Variants in MAST4 observed in about 807,000 individuals in gnomAD.
The protein encoded by MAST4 is microtubule-associated serine/threonine-protein kinase 4.
MAST4 carries 89 observed loss-of-function variants against 162.7 expected under a neutral mutation model. That is an observed-to-expected ratio of 0.55 (90% CI 0.46 to 0.65). The LOEUF is 0.65. MAST4 is among the 30% of genes least tolerant of loss of function. The pLI, the probability that MAST4 is intolerant of heterozygous loss-of-function variation, is 0.00. For missense variants in MAST4, 3,153 were observed against 3,374.0 expected (o/e 0.93, Z 1.62); for synonymous variants, 1,479 against 1,361.1 (o/e 1.09, Z -1.91).
At chr5:66,899,527 A>G (rs760851451) in intron 3 of MAST4, among the ~76,000 whole-genome samples, 3 of 152,198 alleles carry the variant, frequency 2.0e-5, no homozygotes, top group Admixed American at 6.5e-5. Context: ...GTTGAGGGCA[A>G]ATAGTTTGAT....
chr5:66,955,820 A>G (rs1745243909), intron 4 of MAST4, among the ~76,000 whole-genome samples: 1 of 152,188 alleles, frequency 6.6e-6, no homozygotes, highest in Admixed American at 6.5e-5. Flanking sequence ...TACTCAATAT[A>G]TATTTCAGGC....
At chr5:67,113,092 T>A (rs934718528) in intron 11 of MAST4, among the ~76,000 whole-genome samples, 1 of 152,030 alleles carries the variant, frequency 6.6e-6, no homozygotes, top group African/African-American at 2.4e-5. Context: ...GGTGGGTGGA[T>A]CACGAGGTCA....
At chr5:66,906,008 T>C (rs1173561362) in intron 4 of MAST4, among the ~76,000 whole-genome samples, 1 of 152,204 alleles carries the variant, frequency 6.6e-6, no homozygotes, top group Non-Finnish European at 1.5e-5. Context: ...ATGTAGATTT[T>C]TCTCCACAAG....
intron 1 of MAST4, among the ~76,000 whole-genome samples, chr5:66,600,621 A>G (rs9884991): frequency 0.16 from 23,854 of 152,206 alleles, 2,835 homozygotes; most frequent in African/African-American, 0.32. Flanking sequence ...ATTGAAGGGT[A>G]CCTGTGTGTA....
intron 1 of MAST4, among the ~76,000 whole-genome samples, chr5:66,705,210 A>C (rs2149516230): frequency 6.6e-6 from 1 of 152,310 alleles, no homozygotes; most frequent in East Asian, 1.9e-4. Context: ...AATTCACTTG[A>C]GATTATCTAA....
Position 66,733,550 on chromosome 5 carries a change from C to T in MAST4, c.364-26159C>T, listed in dbSNP as rs958501119. ...TCTCGGCTCATTGCAACCTCCGCCT[C>T]GGGTTCAAGCAATTATCCTGCCTCA... On this transcript the variant is annotated intron_variant, in intron 1 of 28. Coordinates refer to ENST00000403625, the MANE Select transcript of MAST4 (RefSeq NM_001164664.2). Among the ~76,000 whole-genome samples, 24 of 152,122 alleles carry T rather than the reference C, an allele frequency of 1.6e-4. No homozygotes were observed. The East Asian group carries it at 1.9e-3, about 12-fold the overall frequency.
chr5:66,838,721 T>A (rs1013480052), intron 3 of MAST4, among the ~76,000 whole-genome samples: 18 of 152,158 alleles, frequency 1.2e-4, no homozygotes, highest in Non-Finnish European at 2.4e-4. Flanking sequence ...TTAGGCAAGA[T>A]GAGGATTCTA....
At position 67,164,356 on chromosome 5, in the gene MAST4, C is replaced by T. The variant is rs771225662; in HGVS notation, c.5177C>T (p.Thr1726Met). ...ECLPGNPVRP[T>M]GGQQEPPPAS... Reference sequence around the variant, plus strand: ...CTGCCAGGGAACCCAGTCCGACCCACGGGTGGGCAGCAGGAGCCCCCGCCG... The same window carrying T: ...CTGCCAGGGAACCCAGTCCGACCCATGGGTGGGCAGCAGGAGCCCCCGCCG... The change falls in exon 29 of 29, where the codon ACG (threonine) becomes ATG (methionine). Residue 1726 changes from threonine to methionine, a missense_variant. Around this residue, in one of 7 missense-constraint regions of MAST4, gnomAD observed 1,644 missense variants for 1,495.0 expected, o/e 1.10. Transcript: ENST00000403625. This position sits in a 1 kb window ranked among gnomAD's most constrained non-coding sequence, Gnocchi z 5.3. 2.5e-6 allele frequency: 4 copies of T among 1,613,804 alleles called. No homozygotes were observed. The highest frequency in any genetic ancestry group is 1.1e-5 in the South Asian group (1 of 91,082).
intron 1 of MAST4, among the ~76,000 whole-genome samples, chr5:66,635,931 C>A (rs2149427885): frequency 7.5e-6 from 1 of 133,428 alleles, no homozygotes; most frequent in African/African-American, 2.8e-5. Context: ...AAAATCACTG[C>A]ATAAGATAGA....
At chr5:66,870,720 C>T in intron 3 of MAST4, 1 of 467,696 alleles carries the variant, frequency 2.1e-6, no homozygotes, top group Non-Finnish European at 4.4e-6. Context: ...CATCATCCCA[C>T]ACCCCACCTT....
At chr5:66,911,187 A>G (rs1393380142) in intron 4 of MAST4, among the ~76,000 whole-genome samples, 2 of 152,152 alleles carry the variant, frequency 1.3e-5, no homozygotes, top group Non-Finnish European at 2.9e-5. Context: ...TGGCCGTGTG[A>G]GCTCTGCTTC....
chr5:66,765,558 G>A (rs1289094180), intron 2 of MAST4, among the ~76,000 whole-genome samples: 1 of 152,050 alleles, frequency 6.6e-6, no homozygotes, highest in East Asian at 1.9e-4. Context: ...ACAGCTGACT[G>A]TAATGTTACT....
intron 4 of MAST4, among the ~76,000 whole-genome samples, chr5:66,954,920 G>T (rs920657065): frequency 6.9e-6 from 1 of 145,240 alleles, no homozygotes; most frequent in Non-Finnish European, 1.5e-5. Flanking sequence ...AGGGAGAAAG[G>T]CCAGATATAC....
At chr5:66,791,385 A>T (rs890697157) in intron 3 of MAST4, among the ~76,000 whole-genome samples, 3 of 152,246 alleles carry the variant, frequency 2.0e-5, no homozygotes, top group African/African-American at 7.2e-5. Context: ...ACAGAAACTG[A>T]CTTATTCATT....
chr5:66,996,170 T>G (rs1750622168), intron 4 of MAST4, among the ~76,000 whole-genome samples: 1 of 152,008 alleles, frequency 6.6e-6, no homozygotes, highest in South Asian at 2.1e-4. Context: ...TCCCGGCTAC[T>G]CGGGAGGCTG....
At chr5:66,600,595 A>G (rs924312150) in intron 1 of MAST4, among the ~76,000 whole-genome samples, 3 of 152,248 alleles carry the variant, frequency 2.0e-5, no homozygotes, top group Non-Finnish European at 1.5e-5. Flanking sequence ...CATCTATGAA[A>G]ATAGTTGCAC....
At position 66,979,379 on chromosome 5, in the gene MAST4, G is replaced by GA. The variant is rs906716698; in HGVS notation, c.675-75016dup. ...TTCCTGTGGTTTAGGTCTGGACTAA[G>GA]AAAAAAAAATAGTCATTAGTTTGGG... On this transcript the variant is annotated intron_variant, in intron 4 of 28. Transcript: ENST00000403625. Among the ~76,000 whole-genome samples the GA allele has an allele frequency of 7.3e-5, 11 of 151,062 alleles. No individual in the cohort carries two copies. The South Asian group carries it at 1.3e-3, about 17-fold the overall frequency.
At chr5:66,925,900 T>A (rs1047136805) in intron 4 of MAST4, among the ~76,000 whole-genome samples, 1 of 152,184 alleles carries the variant, frequency 6.6e-6, no homozygotes, top group Non-Finnish European at 1.5e-5. Context: ...AATATAATGG[T>A]GAATGTTGAG....
At chr5:66,811,790 CTAAA>C in intron 3 of MAST4, among the ~76,000 whole-genome samples, 1 of 152,182 alleles carries the variant, frequency 6.6e-6, no homozygotes, top group Middle Eastern at 3.4e-3. Flanking sequence ...ATTGCACACT[CTAAA>C]TAATGGTACC....
Sources: gnomAD v4.1 joint callset for allele counts (sites outside exome capture counted in the v4.1 genomes callset) on GRCh38, gnomAD v4.1.1 for gene constraint, gnomAD v4.1.1 regional missense constraint, Gnocchi (gnomAD v3.1) non-coding constraint, MANE v1.5 for transcripts, NCBI Gene and HGNC (gene_info 2026-07-23, HGNC 2026-07-21) for gene names.